ZFP14: variants seen among roughly 807,000 people sequenced by gnomAD.
ZFP14 encodes zinc finger protein 14 homolog.
In ZFP14, 22 loss-of-function variants were observed where a neutral mutation model predicts 54.5. That is an observed-to-expected ratio of 0.40 (90% confidence interval 0.29 to 0.58). The LOEUF (loss-of-function observed/expected upper bound fraction) is 0.58. ZFP14 is among the 20% of genes least tolerant of loss of function. The pLI is 0.39. For missense variants in ZFP14, 470 were observed against 637.8 expected (o/e 0.74, Z 2.83); for synonymous variants, 159 against 204.0 (o/e 0.78, Z 1.88).
At chr19:36,360,736 A>G (rs1282169075) in intron 3 of ZFP14, among the ~76,000 whole-genome samples, 2 of 152,188 alleles carry the variant, frequency 1.3e-5, no homozygotes, top group South Asian at 2.1e-4. Flanking sequence ...AATTAAGTAT[A>G]CTAAGGCCAT....
chr19:36,356,417 G>T (rs1261208225), intron 4 of ZFP14, among the ~76,000 whole-genome samples: 1 of 149,746 alleles, frequency 6.7e-6, no homozygotes, highest in African/African-American at 2.5e-5. Flanking sequence ...GACAGAGCGA[G>T]ACTGTCTCAA....
At chr19:36,364,403 T>G (rs1214864855) in intron 2 of ZFP14, among the ~76,000 whole-genome samples, 2 of 152,160 alleles carry the variant, frequency 1.3e-5, no homozygotes, top group Non-Finnish European at 2.9e-5. Flanking sequence ...CAGTGGTATG[T>G]GATTGGCTTG....
intron 1 of ZFP14, among the ~76,000 whole-genome samples, chr19:36,371,262 C>CA (rs1162108439): frequency 1.4e-5 from 2 of 147,866 alleles, no homozygotes; most frequent in African/African-American, 2.5e-5. Flanking sequence ...GACTCTGTCT[C>CA]AAAAAAAAGG....
intron 4 of ZFP14, among the ~76,000 whole-genome samples, chr19:36,350,050 A>G (rs2031498907): frequency 7.3e-6 from 1 of 137,866 alleles, no homozygotes; most frequent in Admixed American, 7.5e-5. Context: ...GAGCCCGGGA[A>G]GTGGAGTCTG....
At chr19:36,343,719 G>T (rs1052822716) in intron 4 of ZFP14, among the ~76,000 whole-genome samples, 1 of 152,116 alleles carries the variant, frequency 6.6e-6, no homozygotes, top group Non-Finnish European at 1.5e-5. Context: ...AAAGTTGAGG[G>T]ACTGCATCTG....
chr19:36,361,374 G>A (rs2031707778), intron 3 of ZFP14, among the ~76,000 whole-genome samples: 1 of 152,022 alleles, frequency 6.6e-6, no homozygotes, highest in African/African-American at 2.4e-5. Flanking sequence ...CAAGTAGCTG[G>A]GATTATAGGC....
At chr19:36,377,267 A>G (rs866731450) in intron 1 of ZFP14, among the ~76,000 whole-genome samples, 5 of 152,274 alleles carry the variant, frequency 3.3e-5, no homozygotes, top group Middle Eastern at 3.4e-3. Flanking sequence ...CATCGAATGA[A>G]AGTTCTACGT....
At position 36,369,298 on chromosome 19, in the gene ZFP14, T is replaced by C. The variant is rs139251547; in HGVS notation, c.-79-1327A>G. On this transcript the variant is annotated intron_variant, in intron 1 of 4. Coordinates refer to ENST00000270001, the MANE Select transcript of ZFP14 (RefSeq NM_020917.3). ...CTGCAATGTAGTGCTCTCCTTTTAA[T>C]AGCTCAGGAAACTAATGCCCAGGGG... 1.1e-3 allele frequency among the ~76,000 whole-genome samples: 160 copies of C among 152,364 alleles called. 1 individual carries two copies. In the East Asian group the frequency reaches 0.021, roughly 20 times the overall value.
At chr19:36,362,868 C>A (rs1266234498) in intron 2 of ZFP14, 2 of 273,454 alleles carry the variant, frequency 7.3e-6, no homozygotes, top group Non-Finnish European at 1.5e-5. Context: ...ATCACAAACT[C>A]GGGTTTTATT....
intron 4 of ZFP14, among the ~76,000 whole-genome samples, chr19:36,347,929 G>A (rs112391287): frequency 0.019 from 2,848 of 152,096 alleles, 99 homozygotes; most frequent in African/African-American, 0.066. Flanking sequence ...GTGGTGGCAC[G>A]TGCCTGTAAC....
rs1037815983 is a variant in ZFP14, at chr19:36,372,011, G to A, written c.-79-4040C>T. Among the ~76,000 whole-genome samples the A allele has an allele frequency of 7.0e-5, 10 of 141,854 alleles. No homozygotes were observed. In the East Asian group the frequency reaches 2.1e-3, roughly 29 times the overall value. The allele number at this position is 141,854 out of a possible 152,430, so 93.1% of individuals were successfully genotyped here. A position where few individuals can be genotyped will look rare whatever the true frequency, so the allele number is the denominator to read the frequency against. On this transcript the variant is annotated intron_variant, in intron 1 of 4. Transcript: ENST00000270001. ...TGGAGGGAGGGAGGGAGGGAAGGAGGGAAGGAAGGAAGGAAGGAGAAAGAA... is the reference window on the plus strand; with the variant it reads ...TGGAGGGAGGGAGGGAGGGAAGGAGAGAAGGAAGGAAGGAAGGAGAAAGAA...
chr19:36,373,036 G>A (rs2145564462), intron 1 of ZFP14, among the ~76,000 whole-genome samples: 1 of 152,212 alleles, frequency 6.6e-6, no homozygotes, highest in Middle Eastern at 3.4e-3. Flanking sequence ...CCAGCACTTT[G>A]GGAGGCCGAG....
chr19:36,339,031 A>G lies in ZFP14; in HGVS notation c.*1193T>C, dbSNP rs2031258377. 6.6e-6 allele frequency: 1 copy of G among 152,204 alleles called. No individual in the cohort carries two copies. The highest frequency in any genetic ancestry group is 6.5e-5 in the Admixed American group (1 of 15,274). The allele number at this position is 152,204 out of a possible 1,614,324, so 9.4% of individuals were successfully genotyped here. On this transcript the variant is annotated 3_prime_UTR_variant, in exon 5 of 5. Coordinates refer to ENST00000270001, the MANE Select transcript of ZFP14 (RefSeq NM_020917.3). ...CCTCTAATTCTTCAACAGCTGTATT[A>G]CTAGTGACCTCACATTCATGAAATT...
chr19:36,341,569 G>A lies in ZFP14; in HGVS notation c.257C>T (p.Thr86Ile). ...GTCCTTTTCTGGAGATAAAGTATTG[G>A]TCCTGTATCTGGACTCCAAATCTGA... ...YCPDLESRYRTNTLSPEKDIY... is the reference protein window; with the variant it reads ...YCPDLESRYRINTLSPEKDIY... The change falls in exon 5 of 5, where the codon ACC becomes ATC. Residue 86 changes from threonine to isoleucine, a missense_variant. Transcript: ENST00000270001. The surrounding 1 kb of genome is among the most constrained non-coding windows in gnomAD (Gnocchi z 4.2). 1 of 1,577,538 alleles carries A rather than the reference G, an allele frequency of 6.3e-7. No individual in the cohort carries two copies. The highest frequency in any genetic ancestry group is 8.6e-7 in the Non-Finnish European group (1 of 1,165,124).
chr19:36,357,257 G>A (rs1006227540), intron 4 of ZFP14, among the ~76,000 whole-genome samples: 1 of 152,174 alleles, frequency 6.6e-6, no homozygotes, highest in African/African-American at 2.4e-5. Flanking sequence ...TGGCCAGGCT[G>A]GTCTCAAACT....
chr19:36,353,121 C>T (rs1439731307), intron 4 of ZFP14, among the ~76,000 whole-genome samples: 1 of 141,458 alleles, frequency 7.1e-6, no homozygotes, highest in African/African-American at 2.6e-5. Flanking sequence ...ATCTTCCTTA[C>T]CCACACTGGG....
In ZFP14 at chr19:36,338,770, G is replaced by A. The variant is rs551867600; in HGVS notation, c.*1454C>T. 1 of 152,330 alleles carries A rather than the reference G, an allele frequency of 6.6e-6. No individual in the cohort carries two copies. Among genetic ancestry groups the A allele is most frequent in the South Asian group, 2.1e-4 (1 of 4,826 alleles). 9.4% of individuals were successfully genotyped at this position (152,330 alleles called of 1,614,324 possible). A position where few individuals can be genotyped will look rare whatever the true frequency, so the allele number is the denominator to read the frequency against. On this transcript the variant is annotated 3_prime_UTR_variant, in exon 5 of 5. Coordinates refer to ENST00000270001, the MANE Select transcript of ZFP14 (RefSeq NM_020917.3). ...CTTGAAACAACTCCTACTGGTTGAA[G>A]ATATGGCATTTTGAGCATCCAAAAG...
rs143290154 is a variant in ZFP14 at position 36,334,872 on chromosome 19, A to AT, written c.*5351dup. The AT allele has an allele frequency of 7.3e-6, 1 of 136,222 alleles. No individual in the cohort carries two copies. The highest frequency in any genetic ancestry group is 2.6e-5 in the African/African-American group (1 of 38,382). 8.4% of individuals were successfully genotyped at this position (136,222 alleles called of 1,614,324 possible). A position where few individuals can be genotyped will look rare whatever the true frequency, so the allele number is the denominator to read the frequency against. On this transcript the variant is annotated 3_prime_UTR_variant, in exon 5 of 5. Transcript: ENST00000270001. The stretch of plus-strand genomic sequence containing the variant: ...TATACTTTGAATTCCTCAAAAGTAG[A>AT]TTTTTATTTTATTTTATTTGAGACT...
At position 36,340,305 on chromosome 19, in the gene ZFP14, G is replaced by A; in HGVS notation, c.1521C>T (p.Pro507=). ...QHQRIHTGEK[P]YKCKECKKAF... ...CCTTCTTACACTCCTTACACTTGTA[G>A]GGCTTCTCACCAGTATGAATTCTCT... Residue 507 remains proline, a synonymous_variant, in exon 5 of 5, where the codon CCC becomes CCT. Transcript: ENST00000270001. The surrounding 1 kb of genome is among the most constrained non-coding windows in gnomAD (Gnocchi z 5.4). 6.2e-7 allele frequency: 1 copy of A among 1,613,964 alleles called. No individual in the cohort carries two copies. Among genetic ancestry groups the A allele is most frequent in the Non-Finnish European group, 8.5e-7 (1 of 1,179,974 alleles).
Sources: allele counts gnomAD v4.1 joint callset (sites outside exome capture counted in the v4.1 genomes callset), GRCh38; gene constraint gnomAD v4.1.1; non-coding constraint Gnocchi (gnomAD v3.1); transcripts MANE v1.5; gene names NCBI Gene and HGNC (gene_info 2026-07-23, HGNC 2026-07-21).